The following CDH12 variants were observed in gnomAD, a reference collection of about 807,000 sequenced individuals.
The protein encoded by CDH12 is cadherin 12.
CDH12 carries 41 observed loss-of-function variants against 74.1 expected under a neutral mutation model. That is an observed-to-expected ratio of 0.55 (90% CI 0.43 to 0.72). The LOEUF is 0.72. Among genes scored for constraint, CDH12 ranks in the 30% least tolerant of loss-of-function variants. The pLI is 0.00. For missense variants in CDH12, 945 were observed against 977.2 expected, an observed-to-expected ratio of 0.97 and a Z score of 0.44; for synonymous variants, 399 against 355.0, an observed-to-expected ratio of 1.12 and a Z score of -1.39.
intron 3 of CDH12, among the ~76,000 whole-genome samples, chr5:22,314,385 AG>A (rs780076584): frequency 2.0e-5 from 3 of 152,202 alleles, no homozygotes; most frequent in East Asian, 1.9e-4. Context: ...GCCCTAATCC[AG>A]TATGGGTGAT....
At chr5:22,376,200 C>T (rs1741515698) in intron 3 of CDH12, among the ~76,000 whole-genome samples, 1 of 152,074 alleles carries the variant, frequency 6.6e-6, no homozygotes, top group African/African-American at 2.4e-5. Flanking sequence ...AAGCTAGGCA[C>T]AGAAAGAGAG....
chr5:22,147,733 A>G (rs1747297070), intron 4 of CDH12, among the ~76,000 whole-genome samples: 2 of 152,116 alleles, frequency 1.3e-5, no homozygotes, highest in Admixed American at 1.3e-4. Flanking sequence ...AATCTCTTAT[A>G]AAATCATCAG....
chr5:22,379,083 C>A (rs982142071), intron 3 of CDH12, among the ~76,000 whole-genome samples: 1 of 151,818 alleles, frequency 6.6e-6, no homozygotes, highest in South Asian at 2.1e-4. Context: ...ATAGTTGTCC[C>A]GATACTAGCA....
At chr5:22,407,675 G>T (rs1401026256) in intron 2 of CDH12, among the ~76,000 whole-genome samples, 1 of 152,060 alleles carries the variant, frequency 6.6e-6, no homozygotes, top group East Asian at 1.9e-4. Flanking sequence ...AGTTTAGGAG[G>T]AGTTAAACTG....
At chr5:22,404,942 G>T (rs769152713) in intron 3 of CDH12, among the ~76,000 whole-genome samples, 1 of 152,192 alleles carries the variant, frequency 6.6e-6, no homozygotes, top group Non-Finnish European at 1.5e-5. Context: ...GGGCACAGTG[G>T]CTCACGCCTA....
At position 22,425,553 on chromosome 5, in the gene CDH12, A is replaced by C. The variant is rs543440929; in HGVS notation, c.-427-20202T>G. Among the ~76,000 whole-genome samples, 4 of 152,220 alleles carry C rather than the reference A, an allele frequency of 2.6e-5. No homozygotes were observed. In the East Asian group the frequency reaches 7.7e-4, roughly 29 times the overall value. On this transcript the variant is annotated intron_variant, in intron 2 of 14. Coordinates refer to ENST00000382254, the MANE Select transcript of CDH12 (RefSeq NM_004061.5). Reference sequence around the variant, plus strand: ...TGAAATATGATATGAGTAGCAACCGATGACAATATAGTTCGTCAGTTTTCT... The same window carrying C: ...TGAAATATGATATGAGTAGCAACCGCTGACAATATAGTTCGTCAGTTTTCT...
At chr5:22,580,533 G>A (rs1486237403) in intron 1 of CDH12, 3 of 473,242 alleles carry the variant, frequency 6.3e-6, no homozygotes, top group Non-Finnish European at 1.3e-5. Flanking sequence ...ACTCTGGATG[G>A]TGGCTCAGAG....
intron 1 of CDH12, among the ~76,000 whole-genome samples, chr5:22,815,041 C>G (rs1344880709): frequency 2.0e-5 from 3 of 152,130 alleles, no homozygotes; most frequent in African/African-American, 7.2e-5. Context: ...CCCAGTGTTT[C>G]TGGCATAGAA....
chr5:22,289,590 T>C, intron 3 of CDH12, among the ~76,000 whole-genome samples: 1 of 152,108 alleles, frequency 6.6e-6, no homozygotes, highest in Non-Finnish European at 1.5e-5. Context: ...AAAGAATACT[T>C]TCCAAAGAGA....
At chr5:22,043,181 T>C (rs1189973849) in intron 5 of CDH12, among the ~76,000 whole-genome samples, 1 of 151,950 alleles carries the variant, frequency 6.6e-6, no homozygotes, top group African/African-American at 2.4e-5. Flanking sequence ...GATAAGTACA[T>C]ATGCAAAAAT....
At chr5:22,660,274 C>G (rs12109926) in intron 1 of CDH12, among the ~76,000 whole-genome samples, 47,988 of 152,006 alleles carry the variant, frequency 0.32, 8,057 homozygotes, top group Non-Finnish European at 0.38. Flanking sequence ...CAAGGTTACT[C>G]TAACTACAAC....
At chr5:22,538,174 T>C (rs1737944409) in intron 1 of CDH12, among the ~76,000 whole-genome samples, 1 of 152,140 alleles carries the variant, frequency 6.6e-6, no homozygotes, top group African/African-American at 2.4e-5. Context: ...TGTTTCTTTC[T>C]CTCTCTTTCA....
At chr5:22,588,263 A>T (rs889681039) in intron 1 of CDH12, among the ~76,000 whole-genome samples, 2 of 152,114 alleles carry the variant, frequency 1.3e-5, no homozygotes, top group African/African-American at 4.8e-5. Context: ...ACAAATCTAA[A>T]TCACATACTA....
At chr5:21,846,128 C>A (rs1387224614) in intron 7 of CDH12, among the ~76,000 whole-genome samples, 1 of 152,106 alleles carries the variant, frequency 6.6e-6, no homozygotes, top group Non-Finnish European at 1.5e-5. Context: ...GGTGGTATGG[C>A]CAGATTTTCA....
intron 3 of CDH12, among the ~76,000 whole-genome samples, chr5:22,332,384 T>G (rs984166523): frequency 5.3e-5 from 8 of 152,106 alleles, no homozygotes; most frequent in African/African-American, 1.9e-4. Flanking sequence ...AAATAATACT[T>G]TTACCCTAGA....
intron 7 of CDH12, among the ~76,000 whole-genome samples, chr5:21,851,097 G>A (rs947718379): frequency 9.9e-5 from 15 of 151,120 alleles, no homozygotes; most frequent in Non-Finnish European, 3.0e-5. Context: ...AGAGGATATT[G>A]AGGTAAAATA....
chr5:22,766,196 G>T (rs1333213826), intron 1 of CDH12, among the ~76,000 whole-genome samples: 1 of 151,926 alleles, frequency 6.6e-6, no homozygotes, highest in Middle Eastern at 3.2e-3. Context: ...AAACAATTTA[G>T]AAAATAATTT....
chr5:22,078,697 C>T lies in CDH12; in HGVS notation c.-21G>A, dbSNP rs763663952. On this transcript the variant is annotated 5_prime_UTR_variant, in exon 5 of 15. Coordinates refer to ENST00000382254, the MANE Select transcript of CDH12 (RefSeq NM_004061.5). ...AGCATTGGCAAAGGCTTTCCTACAG[C>T]AGAGTAATAAAAACTCCAACACTTA... 3.7e-6 allele frequency: 6 copies of T among 1,610,534 alleles called. No individual in the cohort carries two copies. The highest frequency in any genetic ancestry group is 3.4e-5 in the Admixed American group (2 of 59,634).
intron 3 of CDH12, among the ~76,000 whole-genome samples, chr5:22,381,721 C>T (rs1379216370): frequency 6.6e-6 from 1 of 151,778 alleles, no homozygotes; most frequent in African/African-American, 2.4e-5. Context: ...GGGAACTCAA[C>T]TTTCAGTGTG....
Sources: gnomAD v4.1 joint callset for allele counts (sites outside exome capture counted in the v4.1 genomes callset) on GRCh38, gnomAD v4.1.1 for gene constraint, MANE v1.5 for transcripts, NCBI Gene and HGNC (gene_info 2026-07-23, HGNC 2026-07-21) for gene names.